The following KPNA5 variants were observed in gnomAD, a reference collection of about 807,000 sequenced individuals.
The protein encoded by KPNA5 is importin subunit alpha-6.
In KPNA5, 46 loss-of-function variants were observed where a neutral mutation model predicts 71.3. The ratio of observed to expected loss-of-function variants is 0.65; its 90% CI spans 0.51 to 0.83. The LOEUF (loss-of-function observed/expected upper bound fraction) is 0.83, where lower values mean the gene tolerates loss of function less well. Ranked by LOEUF, KPNA5 falls within the 40% of genes least tolerant of loss-of-function variation. The pLI, the probability that KPNA5 is intolerant of heterozygous loss-of-function variation, is 0.00. For missense variants in KPNA5, 547 were observed against 628.3 expected, an observed-to-expected ratio of 0.87 and a Z score of 1.38; for synonymous variants, 207 against 201.4, an observed-to-expected ratio of 1.03 and a Z score of -0.24.
At chr6:116,696,278 G>C (rs1009071193) in intron 4 of KPNA5, among the ~76,000 whole-genome samples, 2 of 152,140 alleles carry the variant, frequency 1.3e-5, no homozygotes, top group African/African-American at 4.8e-5. Flanking sequence ...ATTGATGTGA[G>C]TTCCTGCCAC....
At chr6:116,717,175 A>T (rs958868090) in intron 8 of KPNA5, among the ~76,000 whole-genome samples, 1 of 152,236 alleles carries the variant, frequency 6.6e-6, no homozygotes, top group Non-Finnish European at 1.5e-5. Flanking sequence ...TTGTGCTAAC[A>T]TGCCAACAGT....
chr6:116,692,841 CG>C, intron 4 of KPNA5, among the ~76,000 whole-genome samples: 1 of 152,172 alleles, frequency 6.6e-6, no homozygotes, highest in East Asian at 1.9e-4. Context: ...CCCATTAACT[CG>C]TCATTTAACA....
intron 4 of KPNA5, among the ~76,000 whole-genome samples, chr6:116,698,400 A>G (rs1334350921): frequency 6.6e-6 from 1 of 152,064 alleles, no homozygotes; most frequent in African/African-American, 2.4e-5. Context: ...TTTGAGTTTT[A>G]GACAGAAATA....
chr6:116,732,074 TTATATATATA>T (rs2243369), intron 13 of KPNA5, 52 bp from the exon 14 acceptor site: 971 of 67,632 alleles, frequency 0.014, 24 homozygotes, highest in Admixed American at 0.026. Context: ...AACAGTTTGT[TTATATATATA>T]TATATATATA....
intron 11 of KPNA5, among the ~76,000 whole-genome samples, chr6:116,726,248 C>T (rs1331341404): frequency 6.6e-6 from 1 of 152,100 alleles, no homozygotes; most frequent in Non-Finnish European, 1.5e-5. Context: ...TGATCAGTCA[C>T]ATGGCTTGTG....
chr6:116,681,750 T>A (rs933760715), intron 1 of KPNA5, among the ~76,000 whole-genome samples: 17 of 152,100 alleles, frequency 1.1e-4, no homozygotes, highest in Admixed American at 3.9e-4. Flanking sequence ...ACAGGTTCCA[T>A]CCCGAGGGCC....
chr6:116,723,120 C>T (rs2114488402), intron 9 of KPNA5, among the ~76,000 whole-genome samples: 1 of 152,140 alleles, frequency 6.6e-6, no homozygotes, highest in African/African-American at 2.4e-5. Flanking sequence ...GGGTACCAGT[C>T]TGGCTGAGGT....
Position 116,739,668 on chromosome 6 carries a change from A to G in KPNA5, c.*7345A>G, listed in dbSNP as rs1299016507. On this transcript the variant is annotated 3_prime_UTR_variant, in exon 14 of 14. Transcript: ENST00000368564. ...AAACAGATATAGATCAATGGAACAG[A>G]ACAGAGCCATCAGAAATAATGCCGC... The G allele has an allele frequency of 6.6e-6, 1 of 152,230 alleles. No homozygotes were observed. The highest frequency in any genetic ancestry group is 1.9e-4 in the East Asian group (1 of 5,206). The allele number at this position is 152,230 out of a possible 1,614,324, so 9.4% of individuals were successfully genotyped here. A position where few individuals can be genotyped will look rare whatever the true frequency, so the allele number is the denominator to read the frequency against.
chr6:116,732,258 G>A lies in KPNA5; in HGVS notation c.1555G>A (p.Asp519Asn). The change falls in exon 14 of 14, where the codon GAT (aspartate) becomes AAT (asparagine). Residue 519 changes from aspartate to asparagine, a missense_variant. Transcript: ENST00000368564. Reference protein sequence around the residue: ...EDDPSIVPQVDENQQQFIFQQ... With the variant: ...EDDPSIVPQVNENQQQFIFQQ... ...TGACCCCAGCATTGTACCTCAGGTGGATGAAAACCAACAACAGTTTATATT... is the reference window on the plus strand; with the variant it reads ...TGACCCCAGCATTGTACCTCAGGTGAATGAAAACCAACAACAGTTTATATT... The A allele has an allele frequency of 6.3e-7, 1 of 1,575,308 alleles. No individual in the cohort carries two copies. The highest frequency in any genetic ancestry group is 8.6e-7 in the Non-Finnish European group (1 of 1,159,952).
intron 8 of KPNA5, among the ~76,000 whole-genome samples, chr6:116,718,325 C>T (rs569401070): frequency 3.5e-4 from 52 of 149,448 alleles, no homozygotes; most frequent in Admixed American, 3.1e-3. Context: ...TGCAGTGGCA[C>T]GATCTCAGCT....
At chr6:116,695,844 T>C (rs1418807690) in intron 4 of KPNA5, among the ~76,000 whole-genome samples, 1 of 152,296 alleles carries the variant, frequency 6.6e-6, no homozygotes. Context: ...TTGACATACA[T>C]GTCATACTGA....
At chr6:116,696,160 T>C (rs1466184402) in intron 4 of KPNA5, among the ~76,000 whole-genome samples, 1 of 152,198 alleles carries the variant, frequency 6.6e-6, no homozygotes, top group Non-Finnish European at 1.5e-5. Flanking sequence ...CGTTAAACTG[T>C]ACTATCTTTC....
Position 116,730,672 on chromosome 6 carries a change from A to G in KPNA5, c.1432+931A>G, listed in dbSNP as rs111510553. ...AGTGTCACTGGCATTGTATGAATCT[A>G]TTCTACAACCTCATACTTGTTTTGT... is the stretch of plus-strand genomic sequence containing the variant. On this transcript the variant is annotated intron_variant, in intron 13 of 13. Transcript: ENST00000368564. Among the ~76,000 whole-genome samples the G allele has an allele frequency of 2.9e-3, 437 of 152,284 alleles. 4 individuals carry two copies. The highest frequency in any genetic ancestry group is 0.01 in the African/African-American group (421 of 41,588).
At position 116,736,069 on chromosome 6, in the gene KPNA5, G is replaced by C. The variant is rs746545439; in HGVS notation, c.*3746G>C. Reference sequence around the variant, plus strand: ...ATAATGCATATCAAGGTGCATTTCAGAGCAAGGAATATTTATTGCTGGAGA... The same window carrying C: ...ATAATGCATATCAAGGTGCATTTCACAGCAAGGAATATTTATTGCTGGAGA... On this transcript the variant is annotated 3_prime_UTR_variant, in exon 14 of 14. Transcript: ENST00000368564. 2 of 151,792 alleles carry C rather than the reference G, an allele frequency of 1.3e-5. No individual in the cohort carries two copies. Among genetic ancestry groups the C allele is most frequent in the Non-Finnish European group, 2.9e-5 (2 of 67,822 alleles). The allele number at this position is 151,792 out of a possible 1,614,324, so 9.4% of individuals were successfully genotyped here.
intron 6 of KPNA5, among the ~76,000 whole-genome samples, chr6:116,704,815 G>A (rs1007478225): frequency 1.3e-5 from 2 of 152,072 alleles, no homozygotes; most frequent in African/African-American, 2.4e-5. Context: ...AGACTCAAGC[G>A]ATCTGTCCAC....
chr6:116,705,829 C>T lies in KPNA5; in HGVS notation c.656+669C>T, dbSNP rs546174394. Among the ~76,000 whole-genome samples the T allele has an allele frequency of 2.3e-4, 35 of 152,194 alleles. No homozygotes were observed. In the South Asian group the frequency reaches 2.5e-3, roughly 11 times the overall value. On this transcript the variant is annotated intron_variant, in intron 7 of 13. Coordinates refer to ENST00000368564, the MANE Select transcript of KPNA5 (RefSeq NM_001366306.2). ...TACTCTTCATTTCTGCATGGAGGTG[C>T]GTTTTCCATGCTCTCCAGCTGAGGA...
At chr6:116,701,991 AT>A in intron 5 of KPNA5, 27 bp from the exon 6 acceptor site, 1 of 1,591,812 alleles carries the variant, frequency 6.3e-7, no homozygotes, top group Admixed American at 1.8e-5. Flanking sequence ...TGGTTCTTTC[AT>A]TTATTTTACC....
chr6:116,716,321 A>C lies in KPNA5; in HGVS notation c.756+3A>C. ...ACCCTCCTCCAAACTTTAGTAAGGT[A>C]TGAGTAAAATACACAAATTAAAATA... On this transcript the variant is annotated splice_donor_region_variant and intron_variant, in intron 8 of 13. Coordinates refer to ENST00000368564, the MANE Select transcript of KPNA5 (RefSeq NM_001366306.2). The C allele has an allele frequency of 6.4e-7, 1 of 1,556,760 alleles. No individual in the cohort carries two copies. The highest frequency in any genetic ancestry group is 8.8e-7 in the Non-Finnish European group (1 of 1,130,738).
chr6:116,705,177 A>T lies in KPNA5; in HGVS notation c.656+17A>T. ...TCTTTTAGAGTAAGTACTTTATCAC[A>T]ATTAAGTATATATCAAAAACTATAT... On this transcript the variant is annotated intron_variant, in intron 7 of 13. Coordinates refer to ENST00000368564, the MANE Select transcript of KPNA5 (RefSeq NM_001366306.2). The T allele has an allele frequency of 1.3e-6, 2 of 1,524,706 alleles. No individual in the cohort carries two copies. Among genetic ancestry groups the T allele is most frequent in the African/African-American group, 2.7e-5 (2 of 73,024 alleles). The allele number at this position is 1,524,706 out of a possible 1,614,324, so 94.4% of individuals were successfully genotyped here.
Sources: gnomAD v4.1 joint callset for allele counts (sites outside exome capture counted in the v4.1 genomes callset) on GRCh38, gnomAD v4.1.1 for gene constraint, MANE v1.5 for transcripts, NCBI Gene and HGNC (gene_info 2026-07-23, HGNC 2026-07-21) for gene names.